The following ARHGEF28 variants were observed in gnomAD, a reference collection of about 807,000 sequenced individuals.
The protein encoded by ARHGEF28 is Rho guanine nucleotide exchange factor 28, also known as 190 kDa guanine nucleotide exchange factor.
In ARHGEF28, 152 loss-of-function variants were observed where a neutral mutation model predicts 206.6. The observed-to-expected ratio is 0.74, with a 90% CI of 0.64 to 0.84. ARHGEF28 has a LOEUF of 0.84. ARHGEF28 is among the 40% of genes least tolerant of loss of function. The pLI, the probability that ARHGEF28 is intolerant of heterozygous loss-of-function variation, is 0.00. For synonymous variants in ARHGEF28, 763 were observed against 776.4 expected (o/e 0.98, Z 0.29); for missense variants, 2,028 against 2,073.2 (o/e 0.98, Z 0.42).
intron 9 of ARHGEF28, among the ~76,000 whole-genome samples, chr5:73,820,629 C>T (rs927757549): frequency 5.3e-5 from 8 of 152,174 alleles, no homozygotes; most frequent in Non-Finnish European, 1.0e-4. Context: ...TCTTACCCTA[C>T]AGAAACCTTG....
chr5:73,921,035 T>C (rs755477165), intron 35 of ARHGEF28, among the ~76,000 whole-genome samples: 7 of 152,196 alleles, frequency 4.6e-5, no homozygotes, highest in Non-Finnish European at 1.0e-4. Context: ...AAACACTTTC[T>C]TAAACTCTTT....
chr5:73,790,448 G>A (rs1754413975), intron 7 of ARHGEF28, among the ~76,000 whole-genome samples: 1 of 152,152 alleles, frequency 6.6e-6, no homozygotes, highest in Non-Finnish European at 1.5e-5. Context: ...ATGCCAAGGA[G>A]CACATTTTGG....
chr5:73,770,583 C>T (rs1017612564), intron 4 of ARHGEF28, among the ~76,000 whole-genome samples: 1 of 152,162 alleles, frequency 6.6e-6, no homozygotes, highest in Non-Finnish European at 1.5e-5. Flanking sequence ...AATTGTATAA[C>T]CTCTTTCCAC....
At chr5:73,914,375 T>C (rs1039576906) in intron 35 of ARHGEF28, among the ~76,000 whole-genome samples, 10 of 148,614 alleles carry the variant, frequency 6.7e-5, no homozygotes, top group South Asian at 2.1e-4. Flanking sequence ...ATCATTACAC[T>C]ATACATTCTG....
At chr5:73,661,348 T>G (rs1449173499) in intron 1 of ARHGEF28, among the ~76,000 whole-genome samples, 1 of 152,200 alleles carries the variant, frequency 6.6e-6, no homozygotes, top group East Asian at 1.9e-4. Context: ...AAGGGAATGT[T>G]GTATCTAGTT....
intron 1 of ARHGEF28, among the ~76,000 whole-genome samples, chr5:73,674,526 T>C (rs1172578299): frequency 1.3e-5 from 2 of 152,238 alleles, no homozygotes; most frequent in Non-Finnish European, 2.9e-5. Context: ...ACACGGTATT[T>C]TGACTTCATT....
At position 73,627,537 on chromosome 5, in the gene ARHGEF28, G is replaced by A. The variant is rs572615196; in HGVS notation, c.-12+1215G>A. Among the ~76,000 whole-genome samples the A allele has an allele frequency of 2.8e-4, 42 of 152,296 alleles. No individual in the cohort carries two copies. In the Middle Eastern group the frequency reaches 0.01, roughly 37 times the overall value. On this transcript the variant is annotated intron_variant, in intron 1 of 35. Coordinates refer to ENST00000513042, the MANE Select transcript of ARHGEF28 (RefSeq NM_001177693.2). Reference sequence around the variant, plus strand: ...AACCTGGGAAGGTTTCTCTAGATCTGTCCTGGGTTTTTAGTTACACATTCC... The same window carrying A: ...AACCTGGGAAGGTTTCTCTAGATCTATCCTGGGTTTTTAGTTACACATTCC...
chr5:73,860,914 C>T (rs1008053290), intron 16 of ARHGEF28, among the ~76,000 whole-genome samples: 7 of 152,158 alleles, frequency 4.6e-5, no homozygotes, highest in African/African-American at 1.4e-4. Flanking sequence ...CCTCCCACTG[C>T]GTGTGATTTC....
chr5:73,811,731 T>C (rs1335086134), intron 9 of ARHGEF28, among the ~76,000 whole-genome samples: 2 of 152,124 alleles, frequency 1.3e-5, no homozygotes, highest in Admixed American at 1.3e-4. Flanking sequence ...ACGCCTGTAA[T>C]CAGCACTTTG....
intron 35 of ARHGEF28, among the ~76,000 whole-genome samples, chr5:73,926,967 A>G (rs1479176682): frequency 2.0e-5 from 3 of 152,182 alleles, no homozygotes; most frequent in Admixed American, 6.5e-5. Flanking sequence ...CGATTCCATT[A>G]AAGAGGAGTT....
chr5:73,811,521 G>C (rs1488597406), intron 9 of ARHGEF28, among the ~76,000 whole-genome samples: 1 of 152,142 alleles, frequency 6.6e-6, no homozygotes, highest in Admixed American at 6.5e-5. Flanking sequence ...GCACCATTCT[G>C]TGCTCTAAAA....
In ARHGEF28 at chr5:73,870,097, C is replaced by T; in HGVS notation, c.2454C>T (p.Asp818=). The T allele has an allele frequency of 6.2e-7, 1 of 1,613,812 alleles. No homozygotes were observed. The highest frequency in any genetic ancestry group is 8.5e-7 in the Non-Finnish European group (1 of 1,179,848). ...TTGTGGATTCTTCTCTGTGGAGTGA[C>T]CTCAGCAGTGATGCCCAGGAGTTTG... ...EDVVDSSLWS[D]LSSDAQEFEA... The change falls in exon 21 of 36, where the codon GAC becomes GAT. Residue 818 remains aspartate (D), a synonymous_variant. Coordinates refer to ENST00000513042, the MANE Select transcript of ARHGEF28 (RefSeq NM_001177693.2).
In ARHGEF28 at chr5:73,659,548, G is replaced by T. The variant is rs1029426913; in HGVS notation, c.-11-25293G>T. Among the ~76,000 whole-genome samples the T allele has an allele frequency of 5.9e-5, 9 of 151,534 alleles. No homozygotes were observed. The South Asian group carries it at 8.4e-4, about 14-fold the overall frequency. ...CGTCTCAAAAAAAAAAAAAAAGTTT[G>T]TTATGTGTTTGTGAGTGCATGTACA... is the stretch of plus-strand genomic sequence containing the variant. On this transcript the variant is annotated intron_variant, in intron 1 of 35. Transcript: ENST00000513042.
At chr5:73,643,037 T>C (rs1436832731) in intron 1 of ARHGEF28, among the ~76,000 whole-genome samples, 1 of 152,250 alleles carries the variant, frequency 6.6e-6, no homozygotes, top group African/African-American at 2.4e-5. Flanking sequence ...TGAGTATTTG[T>C]TCTGAGAGTA....
chr5:73,646,857 G>A (rs189457795), intron 1 of ARHGEF28, among the ~76,000 whole-genome samples: 5 of 152,172 alleles, frequency 3.3e-5, no homozygotes. Flanking sequence ...GAGTAGAGTG[G>A]CTCATCTATG....
intron 4 of ARHGEF28, among the ~76,000 whole-genome samples, chr5:73,757,980 GT>G (rs1391872365): frequency 2.0e-5 from 3 of 152,142 alleles, no homozygotes; most frequent in Admixed American, 1.3e-4. Context: ...ACATTCTAAT[GT>G]TTTATGTGTT....
chr5:73,839,267 T>G (rs1295839059), intron 10 of ARHGEF28, among the ~76,000 whole-genome samples: 1 of 152,228 alleles, frequency 6.6e-6, no homozygotes, highest in Admixed American at 6.5e-5. Flanking sequence ...TTAAGTACCA[T>G]GTCAGGAGAT....
intron 35 of ARHGEF28, among the ~76,000 whole-genome samples, chr5:73,923,693 A>G (rs1307403458): frequency 6.6e-6 from 1 of 152,114 alleles, no homozygotes; most frequent in Non-Finnish European, 1.5e-5. Context: ...GGCTTAAGGT[A>G]AAACATTGAT....
At chr5:73,708,496 C>G (rs536316797) in intron 2 of ARHGEF28, among the ~76,000 whole-genome samples, 1 of 152,230 alleles carries the variant, frequency 6.6e-6, no homozygotes, top group African/African-American at 2.4e-5. Flanking sequence ...AGGATAATGA[C>G]CCCCAGCTGC....
Sources: allele counts gnomAD v4.1 joint callset (sites outside exome capture counted in the v4.1 genomes callset), GRCh38; gene constraint gnomAD v4.1.1; transcripts MANE v1.5; gene names NCBI Gene and HGNC (gene_info 2026-07-23, HGNC 2026-07-21).